The following LHFPL6 variants were observed in gnomAD, a reference collection of about 807,000 sequenced individuals.
LHFPL6 encodes the protein LHFPL tetraspan subfamily member 6 protein.
LHFPL6 carries 9 observed loss-of-function variants against 20.6 expected under a neutral mutation model. The ratio of observed to expected loss-of-function variants is 0.44; its 90% CI spans 0.26 to 0.76. The LOEUF (loss-of-function observed/expected upper bound fraction) is 0.76, where lower values mean the gene tolerates loss of function less well. Among genes scored for constraint, LHFPL6 ranks in the 30% least tolerant of loss-of-function variants. The pLI, the probability that LHFPL6 is intolerant of heterozygous loss-of-function variation, is 0.20. For missense variants in LHFPL6, 218 were observed against 253.5 expected, an observed-to-expected ratio of 0.86 and a Z score of 0.95; for synonymous variants, 105 against 98.7, an observed-to-expected ratio of 1.06 and a Z score of -0.38.
At chr13:39,494,885 C>T (rs1298246949) in intron 2 of LHFPL6, among the ~76,000 whole-genome samples, 1 of 152,164 alleles carries the variant, frequency 6.6e-6, no homozygotes, top group Non-Finnish European at 1.5e-5. Flanking sequence ...TCAGAATTTT[C>T]CATTTTTATT....
At chr13:39,507,875 A>G (rs1035034836) in intron 2 of LHFPL6, among the ~76,000 whole-genome samples, 2 of 89,264 alleles carry the variant, frequency 2.2e-5, no homozygotes, top group African/African-American at 8.3e-5. Context: ...TCCAGGCTTT[A>G]TCTTGCCTCC....
At chr13:39,500,058 C>T (rs1869240767) in intron 2 of LHFPL6, among the ~76,000 whole-genome samples, 1 of 151,900 alleles carries the variant, frequency 6.6e-6, no homozygotes, top group African/African-American at 2.4e-5. Flanking sequence ...TCCTTTTTAC[C>T]CCCAGATAAG....
At chr13:39,476,352 A>G (rs1431842928) in intron 2 of LHFPL6, among the ~76,000 whole-genome samples, 1 of 152,214 alleles carries the variant, frequency 6.6e-6, no homozygotes, top group African/African-American at 2.4e-5. Context: ...TTTTTATTTC[A>G]GCACATGTTA....
chr13:39,507,476 TG>T (rs1194563276), intron 2 of LHFPL6, among the ~76,000 whole-genome samples: 1 of 152,210 alleles, frequency 6.6e-6, no homozygotes, highest in Non-Finnish European at 1.5e-5. Context: ...CCCCAAAGTA[TG>T]TGGGAAATGC....
chr13:39,512,490 T>C (rs1015226013), intron 2 of LHFPL6, among the ~76,000 whole-genome samples: 5 of 151,294 alleles, frequency 3.3e-5, no homozygotes, highest in African/African-American at 1.2e-4. Flanking sequence ...TAGTCCCAGC[T>C]ACTCGGGAGG....
intron 2 of LHFPL6, among the ~76,000 whole-genome samples, chr13:39,517,161 G>C (rs1869952439): frequency 6.6e-6 from 1 of 152,094 alleles, no homozygotes. Flanking sequence ...ACCGTAGGGG[G>C]GTAATGAGAA....
At chr13:39,495,283 A>G (rs1451106733) in intron 2 of LHFPL6, among the ~76,000 whole-genome samples, 2 of 152,236 alleles carry the variant, frequency 1.3e-5, no homozygotes, top group Non-Finnish European at 2.9e-5. Flanking sequence ...CTGGTCTTTC[A>G]GAACCTCTTT....
At chr13:39,504,402 C>A (rs1869399985) in intron 2 of LHFPL6, among the ~76,000 whole-genome samples, 1 of 152,170 alleles carries the variant, frequency 6.6e-6, no homozygotes, top group South Asian at 2.1e-4. Context: ...TAGAAGATTT[C>A]CTCGCTGTAT....
chr13:39,431,967 T>C (rs1392525170), intron 2 of LHFPL6, among the ~76,000 whole-genome samples: 1 of 152,112 alleles, frequency 6.6e-6, no homozygotes, highest in Non-Finnish European at 1.5e-5. Context: ...TGTGGTGGTA[T>C]TAAGACGTGG....
intron 2 of LHFPL6, among the ~76,000 whole-genome samples, chr13:39,508,479 C>T (rs867539577): frequency 2.0e-5 from 3 of 152,166 alleles, no homozygotes; most frequent in African/African-American, 4.8e-5. Context: ...TCTTCCTCCC[C>T]GATTCCATTC....
At chr13:39,572,288 C>CTGTGTGTGTGTGTG (rs3222813) in intron 2 of LHFPL6, among the ~76,000 whole-genome samples, 6 of 143,406 alleles carry the variant, frequency 4.2e-5, no homozygotes, top group East Asian at 2.1e-4. Context: ...TTTTTAAACT[C>CTGTGTGTGTGTGTG]TGTGTGTGTG....
At chr13:39,399,610 C>T (rs1870934468) in intron 2 of LHFPL6, among the ~76,000 whole-genome samples, 1 of 152,264 alleles carries the variant, frequency 6.6e-6, no homozygotes, top group Non-Finnish European at 1.5e-5. Context: ...AAGCATGGGA[C>T]TTGAAAGGAT....
chr13:39,535,482 A>C (rs573240521), intron 2 of LHFPL6, among the ~76,000 whole-genome samples: 82 of 152,318 alleles, frequency 5.4e-4, no homozygotes, highest in African/African-American at 1.9e-3. Context: ...TGGCATTGTA[A>C]AAAAAATTAA....
intron 2 of LHFPL6, among the ~76,000 whole-genome samples, chr13:39,585,535 A>G (rs915514239): frequency 2.0e-5 from 3 of 152,248 alleles, no homozygotes; most frequent in Non-Finnish European, 4.4e-5. Flanking sequence ...GCAATCTATT[A>G]GGTCTCCAGA....
chr13:39,527,049 G>A (rs541488168), intron 2 of LHFPL6, among the ~76,000 whole-genome samples: 2 of 152,314 alleles, frequency 1.3e-5, no homozygotes, highest in Admixed American at 1.3e-4. Context: ...TACTTTTAGA[G>A]AGCAGCCTTT....
intron 2 of LHFPL6, among the ~76,000 whole-genome samples, chr13:39,512,611 A>AAAG (rs1566129305): frequency 8.0e-5 from 12 of 150,676 alleles, no homozygotes; most frequent in Admixed American, 2.6e-4. Context: ...CAAAAAAAAA[A>AAAG]AAAAGAAAAG....
chr13:39,375,895 T>TC (rs1870283286), intron 3 of LHFPL6, among the ~76,000 whole-genome samples: 1 of 152,072 alleles, frequency 6.6e-6, no homozygotes, highest in African/African-American at 2.4e-5. Context: ...GTTTTTTTTT[T>TC]CTCATTAACC....
chr13:39,478,425 T>C (rs1873137304), intron 2 of LHFPL6, among the ~76,000 whole-genome samples: 1 of 152,132 alleles, frequency 6.6e-6, no homozygotes, highest in South Asian at 2.1e-4. Context: ...TCCTATATAG[T>C]TTGCATATTG....
chr13:39,442,322 G>A (rs1872162474), intron 2 of LHFPL6, among the ~76,000 whole-genome samples: 1 of 152,202 alleles, frequency 6.6e-6, no homozygotes, highest in Admixed American at 6.5e-5. Flanking sequence ...GCTATTAAGA[G>A]ATGATGTGTA....
Sources: gnomAD v4.1 joint callset for allele counts (sites outside exome capture counted in the v4.1 genomes callset) on GRCh38, gnomAD v4.1.1 for gene constraint, MANE v1.5 for transcripts, NCBI Gene and HGNC (gene_info 2026-07-23, HGNC 2026-07-21) for gene names.